Variants in ZNF385D observed in about 807,000 individuals in gnomAD.
ZNF385D encodes the protein zinc finger protein 659.
Under a neutral mutation model 35.8 loss-of-function variants are expected in ZNF385D, and 15 were observed. That is an observed-to-expected ratio of 0.42 (90% CI 0.28 to 0.64). The LOEUF is 0.64. Ranked by LOEUF, ZNF385D falls within the 30% of genes least tolerant of loss-of-function variation. ZNF385D has a pLI of 0.23. For missense variants in ZNF385D, 474 were observed against 494.6 expected (o/e 0.96, Z 0.39); for synonymous variants, 212 against 186.8 (o/e 1.13, Z -1.10).
chr3:22,065,401 T>C (rs947008482), intron 3 of ZNF385D, among the ~76,000 whole-genome samples: 7 of 152,240 alleles, frequency 4.6e-5, no homozygotes, highest in African/African-American at 1.4e-4. Flanking sequence ...GAATGATGCC[T>C]GCTTTTCTAA....
intron 3 of ZNF385D, among the ~76,000 whole-genome samples, chr3:21,513,860 C>A (rs1458462677): frequency 1.3e-5 from 2 of 152,058 alleles, no homozygotes; most frequent in African/African-American, 4.8e-5. Context: ...CTAGATCTAC[C>A]TTGATTCAGG....
At chr3:21,974,858 C>G (rs559913935) in intron 3 of ZNF385D, among the ~76,000 whole-genome samples, 2 of 152,140 alleles carry the variant, frequency 1.3e-5, no homozygotes, top group African/African-American at 4.8e-5. Context: ...CAAATCCCAC[C>G]TACACTGAGA....
At chr3:21,494,546 C>A (rs578101311) in intron 4 of ZNF385D, among the ~76,000 whole-genome samples, 2 of 152,056 alleles carry the variant, frequency 1.3e-5, no homozygotes. Context: ...GCAAAGGCCC[C>A]GGGAGGAATC....
intron 1 of ZNF385D, among the ~76,000 whole-genome samples, chr3:21,686,950 C>T (rs1168242061): frequency 6.6e-6 from 1 of 152,178 alleles, no homozygotes; most frequent in Non-Finnish European, 1.5e-5. Flanking sequence ...ATTTTCCCAT[C>T]CTATGAGTTA....
chr3:22,122,185 C>G (rs1458290207), intron 3 of ZNF385D, among the ~76,000 whole-genome samples: 1 of 152,122 alleles, frequency 6.6e-6, no homozygotes, highest in South Asian at 2.1e-4. Flanking sequence ...CTGACTGCTT[C>G]CCCTTTACTA....
intron 3 of ZNF385D, among the ~76,000 whole-genome samples, chr3:22,022,404 A>C (rs952058219): frequency 3.3e-5 from 5 of 152,124 alleles, no homozygotes; most frequent in African/African-American, 1.2e-4. Flanking sequence ...CTAATCTTTC[A>C]ACTTGGAGTT....
chr3:22,278,333 C>A (rs370851198), intron 2 of ZNF385D, among the ~76,000 whole-genome samples: 1 of 152,086 alleles, frequency 6.6e-6, no homozygotes, highest in Non-Finnish European at 1.5e-5. Flanking sequence ...CTGAAGCAAG[C>A]ATTTGCTCAT....
intron 3 of ZNF385D, among the ~76,000 whole-genome samples, chr3:21,869,066 A>G (rs566725279): frequency 6.6e-6 from 1 of 152,132 alleles, no homozygotes; most frequent in Non-Finnish European, 1.5e-5. Flanking sequence ...TTAAACTTAC[A>G]GCGTCGGTTT....
At chr3:21,566,295 C>T (rs1450686367) in intron 2 of ZNF385D, among the ~76,000 whole-genome samples, 2 of 152,100 alleles carry the variant, frequency 1.3e-5, no homozygotes, top group Non-Finnish European at 2.9e-5. Flanking sequence ...TGAAGCTCAG[C>T]CTCTCCTCAT....
At position 21,538,763 on chromosome 3, in the gene ZNF385D, G is replaced by T. The variant is rs182216099; in HGVS notation, c.276+25811C>A. On this transcript the variant is annotated intron_variant, in intron 3 of 7. Coordinates refer to ENST00000281523, the MANE Select transcript of ZNF385D (RefSeq NM_024697.3). ...AAAAAACTGTGGTTGGGGCATGGAG[G>T]GGGGAAAGGGAAACTCTTCTTTAAG... Among the ~76,000 whole-genome samples, 434 of 152,192 alleles carry T rather than the reference G, an allele frequency of 2.9e-3. 11 individuals are homozygous for T. The highest frequency in any genetic ancestry group is 0.027 in the Admixed American group (412 of 15,286).
intron 1 of ZNF385D, among the ~76,000 whole-genome samples, chr3:21,674,198 T>C (rs2066655970): frequency 6.6e-6 from 1 of 152,076 alleles, no homozygotes; most frequent in Non-Finnish European, 1.5e-5. Context: ...GTCTGATAGA[T>C]TTAATGTCAT....
At chr3:21,814,290 A>G (rs1174584638) in intron 3 of ZNF385D, among the ~76,000 whole-genome samples, 1 of 152,230 alleles carries the variant, frequency 6.6e-6, no homozygotes, top group Non-Finnish European at 1.5e-5. Flanking sequence ...AACTGCATCA[A>G]CTAACGTGCA....
intron 3 of ZNF385D, among the ~76,000 whole-genome samples, chr3:22,126,692 G>T (rs980147551): frequency 2.0e-5 from 3 of 152,012 alleles, no homozygotes; most frequent in Non-Finnish European, 2.9e-5. Flanking sequence ...ATATATATTA[G>T]GTCCATTTGG....
At chr3:22,223,141 C>G (rs1450269366) in intron 2 of ZNF385D, among the ~76,000 whole-genome samples, 2 of 152,096 alleles carry the variant, frequency 1.3e-5, no homozygotes, top group South Asian at 4.1e-4. Context: ...TCTAGTTTCT[C>G]ATAGCCCTCC....
intron 2 of ZNF385D, among the ~76,000 whole-genome samples, chr3:22,260,403 G>A (rs1384917292): frequency 6.6e-6 from 1 of 151,814 alleles, no homozygotes; most frequent in Non-Finnish European, 1.5e-5. Context: ...TGCAAGCAGG[G>A]CTTAAAACCT....
At chr3:22,027,453 A>C (rs1697630070) in intron 3 of ZNF385D, among the ~76,000 whole-genome samples, 1 of 152,208 alleles carries the variant, frequency 6.6e-6, no homozygotes, top group Non-Finnish European at 1.5e-5. Flanking sequence ...AGCCTTTGGC[A>C]GGTCCCCATT....
chr3:22,049,789 G>C lies in ZNF385D; in HGVS notation c.325+119028C>G, dbSNP rs188268804. The stretch of plus-strand genomic sequence containing the variant: ...TTTTGTTCCTCATTCTGTTAATGTG[G>C]TATATTGCATTTGCTGATTTGTGTA... On this transcript the variant is annotated intron_variant, in intron 3 of 5. Transcript: ENST00000494108. Among the ~76,000 whole-genome samples, 11 of 152,132 alleles carry C rather than the reference G, an allele frequency of 7.2e-5. No homozygotes were observed. The East Asian group carries it at 1.5e-3, about 21-fold the overall frequency.
At chr3:21,795,823 A>C (rs1270010833) in intron 3 of ZNF385D, among the ~76,000 whole-genome samples, 1 of 152,244 alleles carries the variant, frequency 6.6e-6, no homozygotes, top group Non-Finnish European at 1.5e-5. Context: ...AATAGCACAG[A>C]AGAAGAATGA....
intron 3 of ZNF385D, among the ~76,000 whole-genome samples, chr3:22,131,569 C>G (rs1703789849): frequency 6.6e-6 from 1 of 151,918 alleles, no homozygotes; most frequent in Non-Finnish European, 1.5e-5. Flanking sequence ...ATGGAAGGAA[C>G]TGTTACAGGA....
Sources: gnomAD v4.1 joint callset for allele counts (sites outside exome capture counted in the v4.1 genomes callset) on GRCh38, gnomAD v4.1.1 for gene constraint, MANE v1.5 for transcripts, NCBI Gene and HGNC (gene_info 2026-07-23, HGNC 2026-07-21) for gene names.